HS6ST3: variants seen among roughly 807,000 people sequenced by gnomAD.
HS6ST3 encodes heparan sulfate 6-O-sulfotransferase 3, also known as heparan-sulfate 6-O-sulfotransferase 3.
In HS6ST3, 12 loss-of-function variants were observed where a neutral mutation model predicts 36.7. The ratio of observed to expected loss-of-function variants is 0.33; its 90% CI spans 0.21 to 0.53. The LOEUF is 0.53. Ranked by LOEUF, HS6ST3 falls within the 20% of genes least tolerant of loss-of-function variation. The pLI, the probability that HS6ST3 is intolerant of heterozygous loss-of-function variation, is 0.95. For missense variants in HS6ST3, 584 were observed against 640.9 expected, an observed-to-expected ratio of 0.91 and a Z score of 0.96; for synonymous variants, 240 against 257.5, an observed-to-expected ratio of 0.93 and a Z score of 0.65.
At chr13:96,665,156 G>T (rs2056659346) in intron 1 of HS6ST3, among the ~76,000 whole-genome samples, 1 of 152,080 alleles carries the variant, frequency 6.6e-6, no homozygotes, top group Non-Finnish European at 1.5e-5. Context: ...GGGCAATAGA[G>T]ACCCTGTCTC....
At chr13:96,471,297 A>AT (rs1480012175) in intron 1 of HS6ST3, among the ~76,000 whole-genome samples, 2 of 152,116 alleles carry the variant, frequency 1.3e-5, no homozygotes, top group African/African-American at 2.4e-5. Flanking sequence ...TTTTAGCCCA[A>AT]TTTTTTTCCT....
At chr13:96,382,527 C>T (rs2055346305) in intron 1 of HS6ST3, among the ~76,000 whole-genome samples, 1 of 152,154 alleles carries the variant, frequency 6.6e-6, no homozygotes, top group Admixed American at 6.5e-5. Flanking sequence ...CTTACTGAAG[C>T]GTCCTTCTTT....
At chr13:96,610,636 A>G (rs2138988256) in intron 1 of HS6ST3, among the ~76,000 whole-genome samples, 1 of 152,338 alleles carries the variant, frequency 6.6e-6, no homozygotes. Flanking sequence ...ACGGTAAAGT[A>G]TGTTATCAAG....
At chr13:96,331,709 C>T (rs1244075446) in intron 1 of HS6ST3, among the ~76,000 whole-genome samples, 2 of 152,172 alleles carry the variant, frequency 1.3e-5, no homozygotes, top group Admixed American at 1.3e-4. Context: ...TGGGCTCCAC[C>T]CAGTTGGAGC....
intron 1 of HS6ST3, among the ~76,000 whole-genome samples, chr13:96,604,546 T>A (rs541323326): frequency 6.6e-6 from 1 of 152,306 alleles, no homozygotes; most frequent in South Asian, 2.1e-4. Flanking sequence ...TGATCAAAGG[T>A]TGCAGAGATG....
chr13:96,538,800 C>A (rs9584375), intron 1 of HS6ST3, among the ~76,000 whole-genome samples: 25,844 of 152,132 alleles, frequency 0.17, 3,041 homozygotes, highest in African/African-American at 0.33. Flanking sequence ...TTCAAGATAA[C>A]CTGGGAAAAA....
intron 1 of HS6ST3, among the ~76,000 whole-genome samples, chr13:96,362,168 T>C (rs1206755712): frequency 6.6e-6 from 1 of 152,160 alleles, no homozygotes; most frequent in Non-Finnish European, 1.5e-5. Context: ...TCAAGGAAGA[T>C]TTAATGTAGG....
At chr13:96,591,175 C>G (rs2138975476) in intron 1 of HS6ST3, among the ~76,000 whole-genome samples, 1 of 151,784 alleles carries the variant, frequency 6.6e-6, no homozygotes, top group Admixed American at 6.6e-5. Context: ...TTTGACTATT[C>G]TGAGTCTTTT....
intron 1 of HS6ST3, among the ~76,000 whole-genome samples, chr13:96,685,206 A>G (rs1874734655): frequency 6.6e-6 from 1 of 152,062 alleles, no homozygotes; most frequent in South Asian, 2.1e-4. Context: ...TTCAGGTTAA[A>G]CTAATCATTT....
chr13:96,121,561 A>T (rs1437722534), intron 1 of HS6ST3, among the ~76,000 whole-genome samples: 1 of 152,258 alleles, frequency 6.6e-6, no homozygotes, highest in Non-Finnish European at 1.5e-5. Flanking sequence ...ACAATTGCTA[A>T]TAGCCCGAAC....
chr13:96,594,791 T>C (rs1156898750), intron 1 of HS6ST3, among the ~76,000 whole-genome samples: 1 of 152,216 alleles, frequency 6.6e-6, no homozygotes. Context: ...GTATTCCAAA[T>C]TTCATTGTGT....
intron 1 of HS6ST3, among the ~76,000 whole-genome samples, chr13:96,446,226 TGTTA>T (rs2055698253): frequency 6.6e-6 from 1 of 152,204 alleles, no homozygotes; most frequent in African/African-American, 2.4e-5. Flanking sequence ...ATGGAATTTA[TGTTA>T]GCTGGATATT....
At chr13:96,681,826 C>T (rs2056719316) in intron 1 of HS6ST3, among the ~76,000 whole-genome samples, 1 of 152,084 alleles carries the variant, frequency 6.6e-6, no homozygotes, top group African/African-American at 2.4e-5. Flanking sequence ...ATTGAACCAT[C>T]CTTGTTCTCT....
At chr13:96,773,721 C>T (rs1877326304) in intron 1 of HS6ST3, among the ~76,000 whole-genome samples, 3 of 152,162 alleles carry the variant, frequency 2.0e-5, no homozygotes. Flanking sequence ...GGACAGAGCA[C>T]CTGGGGGAAG....
intron 1 of HS6ST3, among the ~76,000 whole-genome samples, chr13:96,152,316 C>CTTTTTTTTTTTTTTTTTTTT (rs766489670): frequency 1.0e-5 from 1 of 97,094 alleles, no homozygotes; most frequent in Non-Finnish European, 2.1e-5. Context: ...GGCCCCTTTC[C>CTTTTTTTTTTTTTTTTTTTT]TTTTTTTTTT....
At chr13:96,556,713 G>A (rs2093741316) in intron 1 of HS6ST3, among the ~76,000 whole-genome samples, 1 of 152,146 alleles carries the variant, frequency 6.6e-6, no homozygotes, top group Non-Finnish European at 1.5e-5. Flanking sequence ...ATGCAATACA[G>A]GTGAGGCAGT....
chr13:96,159,224 A>G (rs539421480), intron 1 of HS6ST3, among the ~76,000 whole-genome samples: 27 of 152,310 alleles, frequency 1.8e-4, no homozygotes, highest in African/African-American at 6.3e-4. Context: ...CAGGAAGGAA[A>G]GACACAAGGA....
At chr13:96,762,197 G>A (rs534046861) in intron 1 of HS6ST3, among the ~76,000 whole-genome samples, 1 of 152,250 alleles carries the variant, frequency 6.6e-6, no homozygotes, top group South Asian at 2.1e-4. Context: ...ATAAATATTG[G>A]CTGCGCATGG....
chr13:96,155,946 A>T (rs1024182663), intron 1 of HS6ST3, among the ~76,000 whole-genome samples: 3 of 152,176 alleles, frequency 2.0e-5, no homozygotes, highest in Admixed American at 6.5e-5. Flanking sequence ...CGAAAGGCTC[A>T]GGCACGTGAT....
Sources: allele counts gnomAD v4.1 joint callset (sites outside exome capture counted in the v4.1 genomes callset), GRCh38; gene constraint gnomAD v4.1.1; transcripts MANE v1.5; gene names NCBI Gene and HGNC (gene_info 2026-07-23, HGNC 2026-07-21).